MTF1: variants seen among roughly 807,000 people sequenced by gnomAD.
MTF1 encodes metal regulatory transcription factor 1.
A neutral mutation model predicts 70.4 loss-of-function variants in MTF1; 22 were observed. The ratio of observed to expected loss-of-function variants is 0.31; its 90% CI spans 0.22 to 0.45. The LOEUF (loss-of-function observed/expected upper bound fraction) is 0.45. MTF1 is among the 20% of genes least tolerant of loss of function. The pLI, the probability that MTF1 is intolerant of heterozygous loss-of-function variation, is 1.00. For synonymous variants in MTF1, 333 were observed against 352.8 expected, an observed-to-expected ratio of 0.94 and a Z score of 0.63; for missense variants, 649 against 922.0, an observed-to-expected ratio of 0.70 and a Z score of 3.83.
intron 7 of MTF1, among the ~76,000 whole-genome samples, chr1:37,824,840 T>C (rs1326065665): frequency 2.0e-5 from 3 of 152,106 alleles, no homozygotes; most frequent in East Asian, 1.9e-4. Context: ...TGGTGAACAA[T>C]AGTGATACCT....
At chr1:37,825,124 T>C (rs61778078) in intron 7 of MTF1, among the ~76,000 whole-genome samples, 2,877 of 151,944 alleles carry the variant, frequency 0.019, 31 homozygotes, top group Middle Eastern at 0.061. Context: ...GCAAGGGAGG[T>C]GGGTTGTGGC....
At chr1:37,828,147 GTA>G (rs1641031973) in intron 7 of MTF1, 1 of 405,336 alleles carries the variant, frequency 2.5e-6, no homozygotes, top group South Asian at 1.8e-5. Flanking sequence ...ACATAAACAA[GTA>G]TATGATTCCA....
chr1:37,822,447 T>C lies in MTF1; in HGVS notation c.1441A>G (p.Asn481Asp), dbSNP rs748123476. The C allele has an allele frequency of 6.2e-7, 1 of 1,614,088 alleles. No homozygotes were observed. The highest frequency in any genetic ancestry group is 1.7e-5 in the Admixed American group (1 of 59,994). ...PVPHSTQFAANHQEFLPHPQA... is the reference protein window; with the variant it reads ...PVPHSTQFAADHQEFLPHPQA... ...GGGTGCGGAAGAAACTCTTGATGATTAGCAGCAAACTGTGTGCTGTGGGGA... is the reference window on the plus strand; with the variant it reads ...GGGTGCGGAAGAAACTCTTGATGATCAGCAGCAAACTGTGTGCTGTGGGGA... Residue 481 changes from asparagine (N) to aspartate (D), a missense_variant, in exon 9 of 11, where the codon AAT (asparagine) becomes GAT (aspartate). Around this residue, in one of 7 missense-constraint regions of MTF1, gnomAD observed 267 missense variants for 292.1 expected, o/e 0.91. Coordinates refer to ENST00000373036, the MANE Select transcript of MTF1 (RefSeq NM_005955.3).
intron 9 of MTF1, among the ~76,000 whole-genome samples, chr1:37,821,306 T>G (rs1178306526): frequency 6.6e-6 from 1 of 152,112 alleles, no homozygotes; most frequent in Non-Finnish European, 1.5e-5. Flanking sequence ...ACTGACACAT[T>G]GCAGATCCTC....
intron 9 of MTF1, among the ~76,000 whole-genome samples, chr1:37,818,719 G>C (rs1423995764): frequency 6.8e-6 from 1 of 147,270 alleles, no homozygotes; most frequent in Non-Finnish European, 1.5e-5. Context: ...AAAAGGCCAG[G>C]TGTGGTGGCT....
At chr1:37,826,471 A>C in intron 7 of MTF1, 2 of 401,870 alleles carry the variant, frequency 5.0e-6, no homozygotes, top group South Asian at 3.5e-5. Flanking sequence ...TTTTTAGTAG[A>C]GATAAGGTCC....
intron 2 of MTF1, among the ~76,000 whole-genome samples, chr1:37,854,577 C>G (rs935336369): frequency 6.6e-6 from 1 of 152,146 alleles, no homozygotes; most frequent in Non-Finnish European, 1.5e-5. Context: ...CTCCTGAGGG[C>G]AAAGCTGCCC....
chr1:37,837,692 G>C (rs1641190933), intron 4 of MTF1, among the ~76,000 whole-genome samples: 1 of 152,056 alleles, frequency 6.6e-6, no homozygotes, highest in Admixed American at 6.6e-5. Context: ...TTTTAGTAGA[G>C]ATGTGGTCTC....
rs183893594 is a variant in MTF1, at chr1:37,852,519, A to G, written c.408+4732T>C. 2.0e-4 allele frequency among the ~76,000 whole-genome samples: 30 copies of G among 152,290 alleles called. No homozygotes were observed. In the East Asian group the frequency reaches 5.4e-3, roughly 27 times the overall value. On this transcript the variant is annotated intron_variant, in intron 2 of 10. Transcript: ENST00000373036. ...AAATATCTACCACAACGGACTCTTA[A>G]CTGCTTAACTCTTCACCTAGATTTG...
intron 2 of MTF1, among the ~76,000 whole-genome samples, chr1:37,856,672 G>GT (rs1641501913): frequency 6.7e-6 from 1 of 149,944 alleles, no homozygotes; most frequent in African/African-American, 2.5e-5. Context: ...GCTAATTTTT[G>GT]TATTTTTAGC....
intron 3 of MTF1, 38 bp from the exon 4 acceptor site, chr1:37,838,794 A>ATTAATTTTTTTTTTTTTTTTTTTTTT: frequency 2.0e-6 from 1 of 501,746 alleles, no homozygotes; most frequent in Non-Finnish European, 2.9e-6. Flanking sequence ...TTGTCATAAA[A>ATTAATTTTTTTTTTTTTTTTTTTTTT]TTCTTTTTTT....
intron 9 of MTF1, among the ~76,000 whole-genome samples, chr1:37,819,051 C>T (rs543127662): frequency 3.9e-4 from 60 of 152,244 alleles, no homozygotes; most frequent in East Asian, 9.6e-4. Flanking sequence ...TTCAACCCCT[C>T]GCCATGTGAT....
At chr1:37,839,663 T>C (rs1440890627) in intron 3 of MTF1, among the ~76,000 whole-genome samples, 1 of 152,166 alleles carries the variant, frequency 6.6e-6, no homozygotes, top group Non-Finnish European at 1.5e-5. Flanking sequence ...GAGATGCAAA[T>C]CTAAACAGAA....
intron 6 of MTF1, among the ~76,000 whole-genome samples, chr1:37,834,415 C>CG (rs1641133043): frequency 7.7e-4 from 2 of 2,596 alleles, no homozygotes; most frequent in South Asian, 0.017. Flanking sequence ...GTGGGGGCGG[C>CG]GGGGGTGGGG....
At position 37,822,324 on chromosome 1, in the gene MTF1, G is replaced by A; in HGVS notation, c.1564C>T (p.Pro522Ser). Residue 522 changes from proline to serine, a missense_variant, in exon 9 of 11, where the codon CCA becomes TCA. Physicochemically the swap from Pro to Ser is moderately conservative, Grantham distance 74. This residue lies in a region of MTF1 where 267 missense variants were observed against 292.1 expected (regional missense o/e 0.91). Coordinates refer to ENST00000373036, the MANE Select transcript of MTF1 (RefSeq NM_005955.3). ...GGCAGGGGCTCAGTAGTACTTTGTG[G>A]TGGGGCTGGTGCTGCCACAGCTGAT... ...VASAVAAPAP[P>S]QSTTEPLPAM... 2 of 1,613,358 alleles carry A rather than the reference G, an allele frequency of 1.2e-6. No homozygotes were observed. The highest frequency in any genetic ancestry group is 1.7e-4 in the Middle Eastern group (1 of 6,056).
chr1:37,835,123 T>C lies in MTF1; in HGVS notation c.946A>G (p.Lys316Glu). 1 of 1,614,194 alleles carries C rather than the reference T, an allele frequency of 6.2e-7. No homozygotes were observed. The highest frequency in any genetic ancestry group is 1.7e-5 in the Admixed American group (1 of 60,030). Residue 316 changes from lysine to glutamate, a missense_variant, in exon 6 of 11, where the codon AAA becomes GAA. Coordinates refer to ENST00000373036, the MANE Select transcript of MTF1 (RefSeq NM_005955.3). ...LKSHMKGHDN[K>E]GHSYNALPQH... is the part of the protein sequence containing the mutation. ...GGAAGTGCATTGTATGAGTGTCCTT[T>C]GTTATCATGACCTTTCATGTGACTT...
chr1:37,819,229 G>A (rs1445939461), intron 9 of MTF1, among the ~76,000 whole-genome samples: 1 of 152,174 alleles, frequency 6.6e-6, no homozygotes, highest in Non-Finnish European at 1.5e-5. Flanking sequence ...ACAGAAAATG[G>A]ACTAAGACAA....
chr1:37,850,341 T>C (rs981844942), intron 2 of MTF1, among the ~76,000 whole-genome samples: 2 of 150,412 alleles, frequency 1.3e-5, no homozygotes, highest in African/African-American at 4.9e-5. Context: ...CTCATGCCTA[T>C]AATCCCAGCA....
intron 2 of MTF1, among the ~76,000 whole-genome samples, chr1:37,854,100 C>T (rs778090112): frequency 1.3e-5 from 2 of 152,178 alleles, no homozygotes; most frequent in South Asian, 2.1e-4. Context: ...CTCCACCTCC[C>T]GGGTTCAAGC....
Sources: gnomAD v4.1 joint callset for allele counts (sites outside exome capture counted in the v4.1 genomes callset) on GRCh38, gnomAD v4.1.1 for gene constraint, gnomAD v4.1.1 regional missense constraint, MANE v1.5 for transcripts, NCBI Gene and HGNC (gene_info 2026-07-23, HGNC 2026-07-21) for gene names.